TJP3: variants seen among roughly 807,000 people sequenced by gnomAD.
TJP3 encodes the protein tight junction protein ZO-3.
In TJP3, 85 loss-of-function variants were observed where a neutral mutation model predicts 104.2. The observed-to-expected ratio is 0.82, with a 90% CI of 0.68 to 0.98. TJP3 has a LOEUF of 0.98. TJP3 is among the 50% of genes least tolerant of loss of function. The probability of loss-of-function intolerance (pLI) is 0.00; values close to 1 mark genes in which losing one functional copy is unlikely to be tolerated. For synonymous variants in TJP3, 550 were observed against 550.6 expected (o/e 1.00, Z 0.02); for missense variants, 1,367 against 1,322.8 (o/e 1.03, Z -0.52).
Position 3,721,918 on chromosome 19 carries a change from A to G in TJP3, c.-9-6506A>G, listed in dbSNP as rs977230656. On this transcript the variant is annotated intron_variant, in intron 1 of 20. Coordinates refer to ENST00000541714, the MANE Select transcript of TJP3 (RefSeq NM_001267560.2). The stretch of plus-strand genomic sequence containing the variant: ...ATGGCGGTGAGATTCCAGGCGAGTA[A>G]CCCTCCAAGGGTGGCAGGGGGAGGG... The G allele has an allele frequency of 6.3e-6, 7 of 1,108,542 alleles. No homozygotes were observed. In the African/African-American group the frequency reaches 1.1e-4, roughly 18 times the overall value. The allele number at this position is 1,108,542 out of a possible 1,614,324, so 68.7% of individuals were successfully genotyped here.
At chr19:3,736,348 C>T in intron 11 of TJP3, 27 bp downstream of exon 11, 1 of 1,508,550 alleles carries the variant, frequency 6.6e-7, no homozygotes, top group Non-Finnish European at 8.8e-7. Flanking sequence ...TGGCCAGCCC[C>T]ACTGATCATG....
At position 3,725,463 on chromosome 19, in the gene TJP3, C is replaced by T. The variant is rs554363657; in HGVS notation, c.-9-2961C>T. Among the ~76,000 whole-genome samples the T allele has an allele frequency of 2.6e-5, 4 of 152,162 alleles. No individual in the cohort carries two copies. The East Asian group carries it at 7.7e-4, about 29-fold the overall frequency. On this transcript the variant is annotated intron_variant, in intron 1 of 20. Transcript: ENST00000541714. ...TCTGAGGATGAAATGAATGGGTCCA[C>T]ATCAAGCGCCTGCTTGCAGCCAGGT...
chr19:3,737,002 C>A (rs1419673245), intron 11 of TJP3, among the ~76,000 whole-genome samples: 1 of 151,564 alleles, frequency 6.6e-6, no homozygotes, highest in Non-Finnish European at 1.5e-5. Context: ...GACTCAGCCT[C>A]CCAAGTAGCT....
rs1311117041 is a variant in TJP3 at position 3,748,074 on chromosome 19, G to A, written c.2603G>A (p.Gly868Glu). 1.9e-6 allele frequency: 3 copies of A among 1,563,996 alleles called. No individual in the cohort carries two copies. The highest frequency in any genetic ancestry group is 1.7e-6 in the Non-Finnish European group (2 of 1,153,828). Reference sequence around the variant, plus strand: ...CGTGGGAGAATCTCGGCTCATCAGGGGGCCCAGGTGCGTCGGACATGGGGG... The same window carrying A: ...CGTGGGAGAATCTCGGCTCATCAGGAGGCCCAGGTGCGTCGGACATGGGGG... ...RDRGRISAHQGAQVDSRHPQG... is the reference protein window; with the variant it reads ...RDRGRISAHQEAQVDSRHPQG... Residue 868 changes from glycine (G) to glutamate (E), a missense_variant, in exon 19 of 21, where the codon GGG (glycine) becomes GAG (glutamate). Transcript: ENST00000541714.
chr19:3,749,349 T>A (rs1224135488), intron 19 of TJP3, among the ~76,000 whole-genome samples: 1 of 152,018 alleles, frequency 6.6e-6, no homozygotes, highest in Non-Finnish European at 1.5e-5. Context: ...TTTTATTTTT[T>A]AAATTTTAGA....
intron 12 of TJP3, 102 bp downstream of exon 12, chr19:3,738,765 G>C: frequency 1.5e-6 from 2 of 1,327,566 alleles, no homozygotes; most frequent in Non-Finnish European, 1.1e-6. Context: ...CTGCATCTCT[G>C]CACCCTCCAT....
Position 3,739,065 on chromosome 19 carries a change from A to G in TJP3, c.1562A>G (p.His521Arg). 1 of 1,608,188 alleles carries G rather than the reference A, an allele frequency of 6.2e-7. No individual in the cohort carries two copies. The highest frequency in any genetic ancestry group is 1.1e-5 in the South Asian group (1 of 90,602). Residue 521 changes from histidine (H) to arginine (R), a missense_variant, in exon 13 of 21, where the codon CAC becomes CGC. Transcript: ENST00000541714. Reference protein sequence around the residue: ...GPGQSHARGGHWLAVRMGRDL... With the variant: ...GPGQSHARGGRWLAVRMGRDL... The stretch of plus-strand genomic sequence containing the variant: ...GGGCAGAGCCACGCACGAGGAGGCC[A>G]CTGGCTGGCGGTGCGCATGGGTCGT...
chr19:3,745,496 C>T (rs2036875325), intron 15 of TJP3, among the ~76,000 whole-genome samples: 1 of 152,170 alleles, frequency 6.6e-6, no homozygotes, highest in Non-Finnish European at 1.5e-5. Flanking sequence ...ATCACGTCTC[C>T]CTCCTTGAAC....
At chr19:3,716,780 CATATAT>C (rs1255662392) in intron 1 of TJP3, among the ~76,000 whole-genome samples, 4 of 103,278 alleles carry the variant, frequency 3.9e-5, no homozygotes, top group Admixed American at 1.1e-4. Context: ...CCAGCTCATA[CATATAT>C]ATATATATAT....
rs373708783 is a variant in TJP3 at position 3,748,042 on chromosome 19, G to A, written c.2571G>A (p.Pro857=). 2.0e-5 allele frequency: 32 copies of A among 1,591,850 alleles called. No homozygotes were observed. The African/African-American group carries it at 2.1e-4, about 11-fold the overall frequency. ...EPVQADESQS[P]RDRGRISAHQ... is the part of the protein sequence containing the mutation. ...TGCAGGCAGATGAGTCCCAGAGCCC[G>A]AGGGATCGTGGGAGAATCTCGGCTC... is the stretch of plus-strand genomic sequence containing the variant. Residue 857 remains proline, a synonymous_variant, in exon 19 of 21, where the codon CCG becomes CCA. Transcript: ENST00000541714.
chr19:3,714,478 C>T (rs1048772582), intron 1 of TJP3, among the ~76,000 whole-genome samples: 8 of 151,858 alleles, frequency 5.3e-5, no homozygotes, highest in Non-Finnish European at 1.2e-4. Flanking sequence ...GCGCCCAGCC[C>T]GTTCTTTTAG....
At chr19:3,714,041 A>G (rs2036455696) in intron 1 of TJP3, among the ~76,000 whole-genome samples, 2 of 147,948 alleles carry the variant, frequency 1.4e-5, no homozygotes, top group Admixed American at 6.8e-5. Flanking sequence ...TATTACTATT[A>G]TTTAATTTCT....
At chr19:3,747,748 G>T in intron 18 of TJP3, 46 bp from the exon 19 acceptor site, 1 of 1,487,254 alleles carries the variant, frequency 6.7e-7, no homozygotes, top group East Asian at 2.4e-5. Flanking sequence ...GGTGGCAGCT[G>T]GGGTCCTGGC....
At chr19:3,748,908 G>C (rs1032319182) in intron 19 of TJP3, among the ~76,000 whole-genome samples, 2 of 138,686 alleles carry the variant, frequency 1.4e-5, no homozygotes. Context: ...ACCCAGGCTG[G>C]AGTGCAGTGG....
At position 3,734,468 on chromosome 19, in the gene TJP3, G is replaced by C. The variant is rs746076685; in HGVS notation, c.986+33G>C. The C allele has an allele frequency of 4.5e-6, 7 of 1,547,950 alleles. No individual in the cohort carries two copies. In the African/African-American group the frequency reaches 8.2e-5, roughly 18 times the overall value. The stretch of plus-strand genomic sequence containing the variant: ...TCACCCATCGGCCAGAATGGTGATA[G>C]GGAGGGAGAGGGAGGTGGGAGGGAG... On this transcript the variant is annotated intron_variant, in intron 8 of 20. Coordinates refer to ENST00000541714, the MANE Select transcript of TJP3 (RefSeq NM_001267560.2).
intron 1 of TJP3, among the ~76,000 whole-genome samples, chr19:3,720,859 C>T (rs796307070): frequency 4.0e-5 from 6 of 150,772 alleles, no homozygotes; most frequent in African/African-American, 1.5e-4. Context: ...CTTTCTTTTC[C>T]TTCGTTCCTT....
At chr19:3,747,115 C>T (rs2036907354) in intron 18 of TJP3, among the ~76,000 whole-genome samples, 1 of 152,022 alleles carries the variant, frequency 6.6e-6, no homozygotes, top group African/African-American at 2.4e-5. Flanking sequence ...GGCTGGAGTA[C>T]AGTGGTGTGA....
In TJP3 at chr19:3,728,692, G is replaced by T. The variant is rs368544226; in HGVS notation, c.137G>T (p.Gly46Val). The change falls in exon 3 of 21, where the codon GGG (glycine) becomes GTG (valine). Residue 46 changes from glycine (G) to valine (V), a missense_variant. Physicochemically the swap from Gly to Val is moderately radical, Grantham distance 109 (BLOSUM62 -3). Transcript: ENST00000541714. ...SMVVSDVVPG[G>V]PAEGRLQTGD... is the part of the protein sequence containing the mutation. ...GTTGTATCTGACGTGGTACCTGGAG[G>T]GCCGGCGGAGGGCAGGCTACAGTGA... 3.1e-6 allele frequency: 5 copies of T among 1,613,538 alleles called. No homozygotes were observed. The highest frequency in any genetic ancestry group is 4.2e-6 in the Non-Finnish European group (5 of 1,180,004).
chr19:3,735,484 C>A (rs1390472135), intron 8 of TJP3, 82 bp from the exon 9 acceptor site: 3 of 1,399,288 alleles, frequency 2.1e-6, no homozygotes, highest in Non-Finnish European at 3.0e-6. Context: ...CAGGCATGAA[C>A]CACCGTGCCC....
Sources: allele counts gnomAD v4.1 joint callset (sites outside exome capture counted in the v4.1 genomes callset), GRCh38; gene constraint gnomAD v4.1.1; transcripts MANE v1.5; gene names NCBI Gene and HGNC (gene_info 2026-07-23, HGNC 2026-07-21).